The following LDLRAD3 variants were observed in gnomAD, a reference collection of about 807,000 sequenced individuals.
The protein encoded by LDLRAD3 is low density lipoprotein receptor class A domain containing 3.
In LDLRAD3, 20 loss-of-function variants were observed where a neutral mutation model predicts 29.4. The ratio of observed to expected loss-of-function variants is 0.68; its 90% CI spans 0.48 to 0.99. The LOEUF (loss-of-function observed/expected upper bound fraction) is 0.99, where lower values mean the gene tolerates loss of function less well. Ranked by LOEUF, LDLRAD3 falls within the 50% of genes least tolerant of loss-of-function variation. The pLI, the probability that LDLRAD3 is intolerant of heterozygous loss-of-function variation, is 0.00. For missense variants in LDLRAD3, 420 were observed against 454.3 expected, an observed-to-expected ratio of 0.92 and a Z score of 0.69; for synonymous variants, 157 against 192.7, an observed-to-expected ratio of 0.81 and a Z score of 1.53.
chr11:36,075,084 G>C (rs773244210), intron 2 of LDLRAD3, among the ~76,000 whole-genome samples: 69 of 152,126 alleles, frequency 4.5e-4, no homozygotes, highest in Non-Finnish European at 8.4e-4. Flanking sequence ...CTGTTTTTCT[G>C]CTGGAAGTCT....
chr11:36,009,023 A>T (rs925680143), intron 1 of LDLRAD3, among the ~76,000 whole-genome samples: 1 of 152,042 alleles, frequency 6.6e-6, no homozygotes, highest in Non-Finnish European at 1.5e-5. Context: ...ACACGGCTAG[A>T]TATCTCCCTC....
chr11:36,137,144 G>A (rs867718), intron 4 of LDLRAD3, among the ~76,000 whole-genome samples: 23 of 152,104 alleles, frequency 1.5e-4, no homozygotes, highest in Admixed American at 9.8e-4. Flanking sequence ...GGAACATAAC[G>A]CAGCCATGCT....
At chr11:36,210,735 C>T (rs1855273531) in intron 4 of LDLRAD3, among the ~76,000 whole-genome samples, 1 of 152,176 alleles carries the variant, frequency 6.6e-6, no homozygotes, top group South Asian at 2.1e-4. Context: ...TATTGCTCAA[C>T]CACCCAGGGA....
chr11:36,030,632 G>C (rs1023342318), intron 1 of LDLRAD3, among the ~76,000 whole-genome samples: 19 of 152,198 alleles, frequency 1.2e-4, no homozygotes, highest in African/African-American at 4.6e-4. Flanking sequence ...ATGCTAAGCC[G>C]TATGTGTGTC....
intron 3 of LDLRAD3, among the ~76,000 whole-genome samples, chr11:36,097,824 TAAAA>T (rs371142588): frequency 1.3e-4 from 19 of 149,678 alleles, no homozygotes; most frequent in African/African-American, 3.3e-4. Flanking sequence ...TTTGCATAAA[TAAAA>T]AAACAAAAAT....
chr11:36,120,750 C>T (rs1337207476), intron 4 of LDLRAD3, among the ~76,000 whole-genome samples: 2 of 152,108 alleles, frequency 1.3e-5, no homozygotes, highest in African/African-American at 2.4e-5. Flanking sequence ...TTGTGTCTCC[C>T]GCAAATTCTA....
chr11:36,211,037 T>G (rs1855277707), intron 4 of LDLRAD3, among the ~76,000 whole-genome samples: 1 of 152,236 alleles, frequency 6.6e-6, no homozygotes, highest in South Asian at 2.1e-4. Context: ...ATAAAAGCTG[T>G]GCATCTCTAA....
intron 4 of LDLRAD3, among the ~76,000 whole-genome samples, chr11:36,175,746 G>T (rs968412250): frequency 1.3e-5 from 2 of 152,208 alleles, no homozygotes; most frequent in Non-Finnish European, 1.5e-5. Context: ...CTGTCTTAGA[G>T]AATGTTCCAT....
At chr11:36,196,491 C>T (rs555459223) in intron 4 of LDLRAD3, 6 of 152,322 alleles carry the variant, frequency 3.9e-5, no homozygotes, top group East Asian at 3.9e-4. Context: ...ACATTACATA[C>T]GCTAATCCTG....
intron 4 of LDLRAD3, among the ~76,000 whole-genome samples, chr11:36,191,576 C>CTATATATATATATATA (rs71310173): frequency 1.9e-5 from 1 of 53,438 alleles, no homozygotes; most frequent in African/African-American, 8.3e-5. Context: ...CTCTCTCTCT[C>CTATATATATATATATA]TATATATATA....
chr11:35,993,849 TCCA>T (rs1430936855), intron 1 of LDLRAD3, among the ~76,000 whole-genome samples: 1 of 152,092 alleles, frequency 6.6e-6, no homozygotes, highest in Non-Finnish European at 1.5e-5. Context: ...CTGTTTTTTT[TCCA>T]CCAAGTTTTG....
intron 2 of LDLRAD3, among the ~76,000 whole-genome samples, chr11:36,050,900 T>C (rs967415287): frequency 2.0e-5 from 3 of 152,168 alleles, no homozygotes; most frequent in Non-Finnish European, 4.4e-5. Flanking sequence ...TCCTGGTTTG[T>C]GGACAGCCGT....
At chr11:36,175,416 G>T (rs1854660863) in intron 4 of LDLRAD3, among the ~76,000 whole-genome samples, 1 of 151,872 alleles carries the variant, frequency 6.6e-6, no homozygotes, top group Non-Finnish European at 1.5e-5. Context: ...GTCTATTTGT[G>T]CTCTTTCAGA....
chr11:36,193,117 C>T (rs1398964125), intron 4 of LDLRAD3, among the ~76,000 whole-genome samples: 1 of 152,156 alleles, frequency 6.6e-6, no homozygotes, highest in Non-Finnish European at 1.5e-5. Flanking sequence ...GGGAAAATCA[C>T]GGAATCTCTC....
intron 1 of LDLRAD3, among the ~76,000 whole-genome samples, chr11:35,951,216 C>T (rs1417238778): frequency 2.0e-5 from 3 of 152,172 alleles, no homozygotes; most frequent in African/African-American, 7.2e-5. Flanking sequence ...TCTCTCCCCT[C>T]CCTTAAGTAA....
At chr11:36,208,067 A>C (rs1253055131) in intron 4 of LDLRAD3, among the ~76,000 whole-genome samples, 1 of 152,176 alleles carries the variant, frequency 6.6e-6, no homozygotes, top group Non-Finnish European at 1.5e-5. Context: ...AGTTGATTCT[A>C]GGCCTGGGGC....
chr11:36,131,126 G>GC (rs1315964852), intron 4 of LDLRAD3, among the ~76,000 whole-genome samples: 2 of 152,196 alleles, frequency 1.3e-5, no homozygotes, highest in African/African-American at 4.8e-5. Flanking sequence ...ACCACTCTAG[G>GC]CCGGGCACAG....
chr11:36,083,780 A>C (rs7117979), intron 3 of LDLRAD3, among the ~76,000 whole-genome samples: 13,038 of 73,730 alleles, frequency 0.18, 209 homozygotes, highest in South Asian at 0.25. Context: ...ACACACACAC[A>C]CCCCAGAATA....
chr11:36,027,911 C>T (rs1412509898), intron 1 of LDLRAD3, among the ~76,000 whole-genome samples: 1 of 152,226 alleles, frequency 6.6e-6, no homozygotes, highest in Non-Finnish European at 1.5e-5. Context: ...AGTGGCATGC[C>T]TAGCTCACTT....
Sources: gnomAD v4.1 joint callset for allele counts (sites outside exome capture counted in the v4.1 genomes callset) on GRCh38, gnomAD v4.1.1 for gene constraint, MANE v1.5 for transcripts, NCBI Gene and HGNC (gene_info 2026-07-23, HGNC 2026-07-21) for gene names.